Variants in BMP6 observed in about 807,000 individuals in gnomAD.
BMP6 encodes the protein bone morphogenetic protein 6.
A neutral mutation model predicts 54.1 loss-of-function variants in BMP6; 17 were observed. The ratio of observed to expected loss-of-function variants is 0.31; its 90% CI spans 0.22 to 0.47. The LOEUF (loss-of-function observed/expected upper bound fraction) is 0.47, where lower values mean the gene tolerates loss of function less well. BMP6 is among the 20% of genes least tolerant of loss of function. The pLI is 1.00. For synonymous variants in BMP6, 328 were observed against 291.2 expected, an observed-to-expected ratio of 1.13 and a Z score of -1.28; for missense variants, 720 against 690.4, an observed-to-expected ratio of 1.04 and a Z score of -0.48.
At chr6:7,871,206 C>G (rs1294199209) in intron 4 of BMP6, among the ~76,000 whole-genome samples, 1 of 152,206 alleles carries the variant, frequency 6.6e-6, no homozygotes, top group African/African-American at 2.4e-5. Context: ...CCACTTAAAA[C>G]CCATGTTCAA....
chr6:7,835,080 C>A (rs1278138421), intron 1 of BMP6, among the ~76,000 whole-genome samples: 1 of 152,164 alleles, frequency 6.6e-6, no homozygotes, highest in Non-Finnish European at 1.5e-5. Flanking sequence ...ATGGCATTGT[C>A]AATGGGACCA....
intron 1 of BMP6, among the ~76,000 whole-genome samples, chr6:7,839,663 T>TA (rs1366398229): frequency 6.6e-6 from 1 of 152,206 alleles, no homozygotes; most frequent in African/African-American, 2.4e-5. Flanking sequence ...GGTTGAAGAG[T>TA]ATTCCATCAT....
chr6:7,865,981 G>A (rs6938831), intron 4 of BMP6, among the ~76,000 whole-genome samples: 2,679 of 152,296 alleles, frequency 0.018, 79 homozygotes, highest in African/African-American at 0.062. Context: ...TGCCTGAGAC[G>A]GCAAGACTAG....
intron 1 of BMP6, among the ~76,000 whole-genome samples, chr6:7,817,689 A>G (rs1036759656): frequency 9.2e-5 from 14 of 152,150 alleles, no homozygotes; most frequent in East Asian, 7.7e-4. Context: ...AAACCTGCAC[A>G]TTGTGCACAT....
At chr6:7,863,793 C>A (rs1254530309) in intron 4 of BMP6, among the ~76,000 whole-genome samples, 1 of 151,900 alleles carries the variant, frequency 6.6e-6, no homozygotes. Flanking sequence ...CTGAGGCGGG[C>A]GGATTACTTG....
rs1491377797 is a variant in BMP6 at position 7,786,481 on chromosome 6, T to TTA, written c.665-58659_665-58658insTA. Among the ~76,000 whole-genome samples, 146 of 107,508 alleles carry TTA rather than the reference T, an allele frequency of 1.4e-3. 3 individuals carry two copies. Among genetic ancestry groups the TTA allele is most frequent in the Admixed American group, 5.6e-3 (55 of 9,800 alleles). The allele number at this position is 107,508 out of a possible 152,430, so 70.5% of individuals were successfully genotyped here. ...GTCTGTTTTTTTTTTTTTTTTTTTTTAAATAAAATCCCTCTGGAAACCTTT... is the reference window on the plus strand; with the variant it reads ...GTCTGTTTTTTTTTTTTTTTTTTTTTTAAAATAAAATCCCTCTGGAAACCTTT... On this transcript the variant is annotated intron_variant, in intron 1 of 6. Coordinates refer to ENST00000283147, the MANE Select transcript of BMP6 (RefSeq NM_001718.6).
chr6:7,755,394 C>T (rs1413789190), intron 1 of BMP6, among the ~76,000 whole-genome samples: 2 of 152,098 alleles, frequency 1.3e-5, no homozygotes, highest in African/African-American at 4.8e-5. Context: ...GCTTAACTTA[C>T]CACAGTCTGT....
chr6:7,859,883 C>G (rs1415023471), intron 2 of BMP6, among the ~76,000 whole-genome samples: 2 of 151,904 alleles, frequency 1.3e-5, no homozygotes, highest in South Asian at 4.1e-4. Flanking sequence ...AATAGAGTTC[C>G]CTTCTCACTT....
At chr6:7,772,256 C>T (rs1206214693) in intron 1 of BMP6, among the ~76,000 whole-genome samples, 2 of 152,166 alleles carry the variant, frequency 1.3e-5, no homozygotes, top group Non-Finnish European at 2.9e-5. Context: ...CACCCTGTGT[C>T]TTCTTGTCAT....
chr6:7,797,447 A>G (rs980574436), intron 1 of BMP6, among the ~76,000 whole-genome samples: 8 of 152,232 alleles, frequency 5.3e-5, no homozygotes, highest in Non-Finnish European at 1.2e-4. Context: ...CTAAGAATTC[A>G]TTGAGTGAAA....
chr6:7,766,095 T>A (rs192662957), intron 1 of BMP6, among the ~76,000 whole-genome samples: 4 of 152,352 alleles, frequency 2.6e-5, no homozygotes, highest in Non-Finnish European at 1.5e-5. Context: ...GAAATGGCCT[T>A]TCTCCATCGG....
At chr6:7,842,373 G>C (rs991427108) in intron 1 of BMP6, among the ~76,000 whole-genome samples, 1 of 152,094 alleles carries the variant, frequency 6.6e-6, no homozygotes, top group Admixed American at 6.6e-5. Flanking sequence ...TGTGTGTTCT[G>C]TCTCTCTCTT....
chr6:7,769,628 A>G (rs562510423), intron 1 of BMP6, among the ~76,000 whole-genome samples: 48 of 152,350 alleles, frequency 3.2e-4, no homozygotes, highest in Non-Finnish European at 5.9e-4. Flanking sequence ...GAAAACCCTT[A>G]TGATAGTTGC....
intron 4 of BMP6, among the ~76,000 whole-genome samples, chr6:7,864,963 AT>A (rs1759396153): frequency 6.6e-6 from 1 of 152,148 alleles, no homozygotes; most frequent in Non-Finnish European, 1.5e-5. Context: ...GTAGGCTTCA[AT>A]TTATTAATGA....
chr6:7,783,590 G>A (rs772285107), intron 1 of BMP6, among the ~76,000 whole-genome samples: 4 of 152,248 alleles, frequency 2.6e-5, no homozygotes, highest in South Asian at 2.1e-4. Context: ...CGCCAAGGGC[G>A]CAATAACGTA....
chr6:7,813,108 A>AAAAATATAT (rs1554122651), intron 1 of BMP6, among the ~76,000 whole-genome samples: 9 of 21,490 alleles, frequency 4.2e-4, no homozygotes, highest in South Asian at 2.8e-3. Context: ...AAAAAAAAAA[A>AAAAATATAT]ATATATATAT....
chr6:7,728,734 G>C (rs1177002237), intron 1 of BMP6, among the ~76,000 whole-genome samples: 3 of 152,202 alleles, frequency 2.0e-5, no homozygotes, highest in Non-Finnish European at 4.4e-5. Context: ...GGCTTCACGG[G>C]CCTCCTTCCC....
chr6:7,743,730 C>T (rs1457312944), intron 1 of BMP6, among the ~76,000 whole-genome samples: 1 of 152,178 alleles, frequency 6.6e-6, no homozygotes, highest in African/African-American at 2.4e-5. Flanking sequence ...CCTGTTAACA[C>T]TACACAAATA....
Position 7,848,566 on chromosome 6 carries a change from G to A in BMP6, c.857+3234G>A, listed in dbSNP as rs535937150. On this transcript the variant is annotated intron_variant, in intron 2 of 6. Transcript: ENST00000283147. ...TAAAAACTCTAGCCTCCAAATTCTC[G>A]GGGAGGCATATTTGAGAAATACCTC... Among the ~76,000 whole-genome samples, 7 of 152,168 alleles carry A rather than the reference G, an allele frequency of 4.6e-5. No individual in the cohort carries two copies. The East Asian group carries it at 1.3e-3, about 29-fold the overall frequency.
Sources: allele counts gnomAD v4.1 joint callset (sites outside exome capture counted in the v4.1 genomes callset), GRCh38; gene constraint gnomAD v4.1.1; transcripts MANE v1.5; gene names NCBI Gene and HGNC (gene_info 2026-07-23, HGNC 2026-07-21).